The following PCDHGB2 variants were observed in gnomAD, a reference collection of about 807,000 sequenced individuals.
PCDHGB2 encodes the protein protocadherin gamma-B2.
A neutral mutation model predicts 59.3 loss-of-function variants in PCDHGB2; 55 were observed. That is an observed-to-expected ratio of 0.93 (90% CI 0.75 to 1.16). The LOEUF (loss-of-function observed/expected upper bound fraction) is 1.16. Ranked by LOEUF, PCDHGB2 falls within the 50% of genes most tolerant of loss-of-function variation. PCDHGB2 has a pLI of 0.00. For missense variants in PCDHGB2, 1,228 were observed against 1,198.5 expected, an observed-to-expected ratio of 1.02 and a Z score of -0.36; for synonymous variants, 516 against 512.0, an observed-to-expected ratio of 1.01 and a Z score of -0.11.
intron 3 of PCDHGB2, among the ~76,000 whole-genome samples, chr5:141,509,791 C>T (rs2099878284): frequency 6.6e-6 from 1 of 152,164 alleles, no homozygotes; most frequent in Non-Finnish European, 1.5e-5. Flanking sequence ...TCATCATCTC[C>T]TCAGCTTCAT....
chr5:141,481,691 C>G (rs929210528), intron 1 of PCDHGB2, among the ~76,000 whole-genome samples: 3 of 152,080 alleles, frequency 2.0e-5, no homozygotes, highest in African/African-American at 4.8e-5. Context: ...TGGTGGCTCA[C>G]GCCTGTAATC....
intron 1 of PCDHGB2, chr5:141,390,387 T>C: frequency 1.4e-6 from 2 of 1,425,596 alleles, no homozygotes; most frequent in Non-Finnish European, 1.9e-6. Flanking sequence ...TTAGATGTCA[T>C]GGATCATTTT....
intron 1 of PCDHGB2, chr5:141,382,819 G>T (rs1449028360): frequency 3.1e-6 from 4 of 1,297,848 alleles, no homozygotes; most frequent in Non-Finnish European, 4.3e-6. Flanking sequence ...CCCTTCCTAA[G>T]ACAGAGGGGT....
intron 1 of PCDHGB2, chr5:141,374,164 G>A: frequency 6.2e-7 from 1 of 1,612,952 alleles, no homozygotes; most frequent in East Asian, 2.2e-5. Context: ...GGGGGGCCGC[G>A]GCAGCGCAGA....
At chr5:141,509,968 C>A (rs1450809995) in intron 3 of PCDHGB2, among the ~76,000 whole-genome samples, 1 of 152,166 alleles carries the variant, frequency 6.6e-6, no homozygotes, top group Non-Finnish European at 1.5e-5. Context: ...TGGCCTTGGT[C>A]CTTCTAACAC....
Position 141,489,101 on chromosome 5 carries a change from T to C in PCDHGB2, c.2422-5706T>C. The C allele has an allele frequency of 2.5e-6, 1 of 398,412 alleles. No homozygotes were observed. The highest frequency in any genetic ancestry group is 4.3e-5 in the South Asian group (1 of 23,096). The allele number at this position is 398,412 out of a possible 1,614,324, so 24.7% of individuals were successfully genotyped here. A position where few individuals can be genotyped will look rare whatever the true frequency, so the allele number is the denominator to read the frequency against. ...CCGCCACTCGGTGACTAAGAACTGC[T>C]GCAAGCAGGCAAACCTCCGAGCAGT... On this transcript the variant is annotated intron_variant, in intron 1 of 3. Coordinates refer to ENST00000522605, the MANE Select transcript of PCDHGB2 (RefSeq NM_018923.3). The surrounding 1 kb of genome is among the most constrained non-coding windows in gnomAD (Gnocchi z 4.5).
rs763321545 is a variant in PCDHGB2 at position 141,389,799 on chromosome 5, C to A, written c.2421+27243C>A. 1.2e-5 allele frequency: 19 copies of A among 1,613,678 alleles called. No individual in the cohort carries two copies. The South Asian group carries it at 1.9e-4, about 16-fold the overall frequency. On this transcript the variant is annotated intron_variant, in intron 1 of 3. Transcript: ENST00000522605. ...AGGCGACAGGGACGCCGTCCGCCAG[C>A]GCCTTCTGGTCGCCGTGCGTGACGG...
At chr5:141,415,123 G>T (rs1349224471) in intron 1 of PCDHGB2, 3 of 1,613,540 alleles carry the variant, frequency 1.9e-6, no homozygotes. Flanking sequence ...CGTAGTGGCC[G>T]TCCAGGACCA....
At chr5:141,376,357 A>C (rs769629850) in intron 1 of PCDHGB2, 24 of 1,613,894 alleles carry the variant, frequency 1.5e-5, no homozygotes, top group Admixed American at 1.0e-4. Context: ...ACGAGGTCTC[A>C]CTCACTGCAG....
chr5:141,365,810 G>A, intron 1 of PCDHGB2: 1 of 1,613,920 alleles, frequency 6.2e-7, no homozygotes, highest in East Asian at 2.2e-5. Flanking sequence ...CCTGGCTGAA[G>A]ACACATTTCA....
At chr5:141,430,573 A>C (rs938248057) in intron 1 of PCDHGB2, 8 of 448,940 alleles carry the variant, frequency 1.8e-5, no homozygotes, top group Non-Finnish European at 3.0e-5. Context: ...AGAAAAGCGG[A>C]GATCCTGCTC....
In PCDHGB2 at chr5:141,485,115, G is replaced by A. The variant is rs1043877839; in HGVS notation, c.2422-9692G>A. 6.9e-6 allele frequency: 9 copies of A among 1,300,470 alleles called. No individual in the cohort carries two copies. Among genetic ancestry groups the A allele is most frequent in the Non-Finnish European group, 1.1e-6 (1 of 911,406 alleles). 80.6% of individuals were successfully genotyped at this position (1,300,470 alleles called of 1,614,324 possible). ...GTGTCTCCAGCTGCTGTGGCTGTTT[G>A]GGGCGGGTCGGCTTCATCCGCGTCT... On this transcript the variant is annotated intron_variant, in intron 1 of 3. Coordinates refer to ENST00000522605, the MANE Select transcript of PCDHGB2 (RefSeq NM_018923.3). The surrounding 1 kb of genome is among the most constrained non-coding windows in gnomAD (Gnocchi z 5.7).
At chr5:141,449,202 C>T (rs77980623) in intron 1 of PCDHGB2, among the ~76,000 whole-genome samples, 7,411 of 152,148 alleles carry the variant, frequency 0.049, 284 homozygotes, top group African/African-American at 0.1. Context: ...AGTGTTAATT[C>T]TAACTTTCTG....
rs1203060261 is a variant in PCDHGB2, at chr5:141,493,037, AG to A, written c.2422-1768del. 3.3e-5 allele frequency among the ~76,000 whole-genome samples: 5 copies of A among 152,252 alleles called. No individual in the cohort carries two copies. The highest frequency in any genetic ancestry group is 2.6e-4 in the Admixed American group (4 of 15,290). ...AGATGCCAGGGTGCCCTTATGTGTG[AG>A]GAAACTACAATAGTAAAAAACACAA... is the stretch of plus-strand genomic sequence containing the variant. On this transcript the variant is annotated intron_variant, in intron 1 of 3. Transcript: ENST00000522605. This position sits in a 1 kb window ranked among gnomAD's most constrained non-coding sequence, Gnocchi z 4.3.
intron 1 of PCDHGB2, among the ~76,000 whole-genome samples, chr5:141,481,749 C>G (rs958851030): frequency 7.9e-5 from 12 of 151,976 alleles, no homozygotes; most frequent in African/African-American, 2.9e-4. Context: ...GTCAGGAGTC[C>G]AAGACCAGCC....
chr5:141,374,262 C>A lies in PCDHGB2; in HGVS notation c.2421+11706C>A, dbSNP rs369097101. The A allele has an allele frequency of 8.4e-5, 136 of 1,613,824 alleles. No individual in the cohort carries two copies. Among genetic ancestry groups the A allele is most frequent in the Non-Finnish European group, 1.1e-4 (132 of 1,179,878 alleles). On this transcript the variant is annotated intron_variant, in intron 1 of 3. Transcript: ENST00000522605. ...CTGGGACTGGAGCCCCAGGAGTTGG[C>A]GGAGCACGGAGTCCGCATCGTCTCC...
chr5:141,501,164 G>C (rs991995325), intron 2 of PCDHGB2, among the ~76,000 whole-genome samples: 32 of 152,144 alleles, frequency 2.1e-4, no homozygotes, highest in African/African-American at 7.7e-4. Context: ...ACCATCCCCA[G>C]CCTCATTTAC....
chr5:141,405,400 T>C (rs986034251), intron 1 of PCDHGB2: 3 of 1,590,732 alleles, frequency 1.9e-6, no homozygotes, highest in Non-Finnish European at 2.6e-6. Flanking sequence ...TTTTCTTTCT[T>C]TCTTTTCTTT....
At chr5:141,363,845 A>G (rs922209204) in intron 1 of PCDHGB2, among the ~76,000 whole-genome samples, 1 of 152,250 alleles carries the variant, frequency 6.6e-6, no homozygotes. Flanking sequence ...TCCTAATTTA[A>G]TGGACTAAAT....
Sources: gnomAD v4.1 joint callset for allele counts (sites outside exome capture counted in the v4.1 genomes callset) on GRCh38, gnomAD v4.1.1 for gene constraint, Gnocchi (gnomAD v3.1) non-coding constraint, MANE v1.5 for transcripts, NCBI Gene and HGNC (gene_info 2026-07-23, HGNC 2026-07-21) for gene names.